The following UBR3 variants were observed in gnomAD, a reference collection of about 807,000 sequenced individuals.
UBR3 encodes the protein E3 ubiquitin-protein ligase UBR3.
Under a neutral mutation model 243.2 loss-of-function variants are expected in UBR3, and 85 were observed. The ratio of observed to expected loss-of-function variants is 0.35; its 90% CI spans 0.29 to 0.42. The LOEUF (loss-of-function observed/expected upper bound fraction) is 0.42. Ranked by LOEUF, UBR3 falls within the 10% of genes least tolerant of loss-of-function variation. The pLI is 1.00. For synonymous variants in UBR3, 748 were observed against 799.8 expected (o/e 0.94, Z 1.09); for missense variants, 1,686 against 2,300.8 (o/e 0.73, Z 5.47).
chr2:169,964,607 G>A, intron 24 of UBR3: 1 of 380,936 alleles, frequency 2.6e-6, no homozygotes, highest in South Asian at 2.1e-5. Flanking sequence ...TTAGTTTTCA[G>A]GGTTAGGTAA....
rs1259429018 is a variant in UBR3, at chr2:169,877,595, G to T, written c.946G>T (p.Val316Leu). ...TCCTGAGGATAAGCTTGTATATGGTGTGCAGGAGCCATCTGCTGGTACTAG... is the reference window on the plus strand; with the variant it reads ...TCCTGAGGATAAGCTTGTATATGGTTTGCAGGAGCCATCTGCTGGTACTAG... ...TYPEDKLVYG[V>L]QEPSAGTSSL... Residue 316 changes from valine (V) to leucine (L), a missense_variant, in exon 4 of 39, where the codon GTG (valine) becomes TTG (leucine). Val to Leu is a conservative substitution (Grantham distance 32). Coordinates refer to ENST00000272793, the MANE Select transcript of UBR3 (RefSeq NM_172070.4). The T allele has an allele frequency of 6.5e-7, 1 of 1,548,728 alleles. No individual in the cohort carries two copies. Among genetic ancestry groups the T allele is most frequent in the Admixed American group, 2.0e-5 (1 of 50,046 alleles).
chr2:169,947,487 T>C (rs767416706), intron 21 of UBR3, 55 bp from the exon 22 acceptor site: 28 of 1,322,776 alleles, frequency 2.1e-5, no homozygotes, highest in Non-Finnish European at 2.5e-5. Context: ...ACATCTCCAT[T>C]GTACCTTGGA....
chr2:169,899,379 C>T (rs1234838013), intron 8 of UBR3, among the ~76,000 whole-genome samples: 2 of 152,182 alleles, frequency 1.3e-5, no homozygotes, highest in Admixed American at 6.5e-5. Context: ...GATTTATCTA[C>T]ATATATTGCT....
At chr2:169,846,772 A>G (rs942433210) in intron 1 of UBR3, among the ~76,000 whole-genome samples, 2 of 151,876 alleles carry the variant, frequency 1.3e-5, no homozygotes, top group Non-Finnish European at 2.9e-5. Context: ...TCACCCTGTC[A>G]TTCAGGCTGG....
intron 29 of UBR3, among the ~76,000 whole-genome samples, chr2:170,010,920 TG>T (rs2090063319): frequency 6.7e-6 from 1 of 149,582 alleles, no homozygotes; most frequent in African/African-American, 2.5e-5. Context: ...TCTCAGAACT[TG>T]AGAGACCAAG....
chr2:169,990,392 C>A (rs1007981972), intron 25 of UBR3, among the ~76,000 whole-genome samples: 1 of 152,040 alleles, frequency 6.6e-6, no homozygotes, highest in Admixed American at 6.5e-5. Context: ...TTTCATTTTA[C>A]TAAACCCTAC....
At position 169,857,521 on chromosome 2, in the gene UBR3, T is replaced by C. The variant is rs189227784; in HGVS notation, c.546-14715T>C. ...AACATCCGCCTCCCAAGTTCAAGCG[T>C]TCCTCCTGCCTCAGCCTCCCAAGTA... On this transcript the variant is annotated intron_variant, in intron 1 of 38. Coordinates refer to ENST00000272793, the MANE Select transcript of UBR3 (RefSeq NM_172070.4). Among the ~76,000 whole-genome samples the C allele has an allele frequency of 4.1e-3, 620 of 151,572 alleles. 5 individuals are homozygous for C. The highest frequency in any genetic ancestry group is 0.014 in the African/African-American group (580 of 41,288).
chr2:169,958,413 A>G, intron 23 of UBR3, 25 bp from the exon 24 acceptor site: 5 of 1,608,382 alleles, frequency 3.1e-6, no homozygotes, highest in Non-Finnish European at 4.2e-6. Context: ...TCTGATACTT[A>G]AAACTTTATT....
Position 169,856,515 on chromosome 2 carries a change from C to G in UBR3, c.546-15721C>G, listed in dbSNP as rs558604476. ...GGTGGAGGTTGTAGCGAGCCGAGAT[C>G]ACGCCACTGCACTCCAGCCTGGGCA... On this transcript the variant is annotated intron_variant, in intron 1 of 38. Transcript: ENST00000272793. Among the ~76,000 whole-genome samples, 103 of 152,250 alleles carry G rather than the reference C, an allele frequency of 6.8e-4. 2 individuals are homozygous for G. Among genetic ancestry groups the G allele is most frequent in the Admixed American group, 4.6e-3 (70 of 15,240 alleles).
chr2:169,953,040 T>C (rs1044295610), intron 23 of UBR3, among the ~76,000 whole-genome samples: 2 of 152,168 alleles, frequency 1.3e-5, no homozygotes, highest in African/African-American at 2.4e-5. Flanking sequence ...TGAATCAAAA[T>C]CTGTTTTTCT....
At chr2:169,891,061 A>G in intron 5 of UBR3, 104 bp from the exon 6 acceptor site, 1 of 672,628 alleles carries the variant, frequency 1.5e-6, no homozygotes, top group East Asian at 2.8e-5. Context: ...AGTAGTATGT[A>G]AGCATGCATA....
At chr2:169,908,428 A>T (rs1051494424) in intron 10 of UBR3, among the ~76,000 whole-genome samples, 8 of 152,120 alleles carry the variant, frequency 5.3e-5, no homozygotes, top group Admixed American at 5.2e-4. Context: ...ACCTTGTTTA[A>T]TTTCCACTGT....
chr2:169,924,293 G>T, intron 13 of UBR3, 120 bp downstream of exon 13: 1 of 741,040 alleles, frequency 1.3e-6, no homozygotes, highest in Non-Finnish European at 2.1e-6. Flanking sequence ...TTTTTAAAAA[G>T]TTGTTATTGT....
At chr2:169,978,093 C>T (rs1003633109) in intron 24 of UBR3, among the ~76,000 whole-genome samples, 19 of 152,072 alleles carry the variant, frequency 1.2e-4, no homozygotes, top group African/African-American at 4.6e-4. Context: ...TAACTGTGGC[C>T]TAGGCTATAG....
At chr2:170,039,941 C>A (rs2090924441) in intron 31 of UBR3, among the ~76,000 whole-genome samples, 1 of 151,786 alleles carries the variant, frequency 6.6e-6, no homozygotes, top group South Asian at 2.1e-4. Context: ...ACTGTGTTGC[C>A]CAGTTGGATC....
intron 2 of UBR3, among the ~76,000 whole-genome samples, chr2:169,875,356 G>A (rs2083567671): frequency 6.6e-6 from 1 of 152,088 alleles, no homozygotes; most frequent in Admixed American, 6.6e-5. Flanking sequence ...TTGAGATGGG[G>A]TGTCACTCTG....
At chr2:169,969,680 C>T (rs549555249) in intron 24 of UBR3, among the ~76,000 whole-genome samples, 2 of 151,840 alleles carry the variant, frequency 1.3e-5, no homozygotes, top group Admixed American at 6.6e-5. Context: ...TCCCAAGCAG[C>T]TGGGACAACA....
In UBR3 at chr2:169,950,203, T is replaced by C. The variant is rs149437539; in HGVS notation, c.3545+138T>C. 5.2e-4 allele frequency: 415 copies of C among 797,548 alleles called. 1 individual carries two copies. The African/African-American group carries it at 6.6e-3, about 13-fold the overall frequency. 49.4% of individuals were successfully genotyped at this position (797,548 alleles called of 1,614,324 possible). A position where few individuals can be genotyped will look rare whatever the true frequency, so the allele number is the denominator to read the frequency against. ...TGATTAGTTTGTAACATAAATGGAA[T>C]GGAGCATAGTCAGTGCTTGTACATG... is the stretch of plus-strand genomic sequence containing the variant. On this transcript the variant is annotated intron_variant, in intron 23 of 38. Coordinates refer to ENST00000272793, the MANE Select transcript of UBR3 (RefSeq NM_172070.4).
At chr2:169,954,346 T>G (rs1433991295) in intron 23 of UBR3, among the ~76,000 whole-genome samples, 2 of 152,124 alleles carry the variant, frequency 1.3e-5, no homozygotes, top group Non-Finnish European at 2.9e-5. Context: ...GCTCAAGTGA[T>G]TCTCCCGCCT....
Sources: allele counts gnomAD v4.1 joint callset (sites outside exome capture counted in the v4.1 genomes callset), GRCh38; gene constraint gnomAD v4.1.1; transcripts MANE v1.5; gene names NCBI Gene and HGNC (gene_info 2026-07-23, HGNC 2026-07-21).